Variants in PCDHA3 observed in about 807,000 individuals in gnomAD.
The protein encoded by PCDHA3 is protocadherin alpha-3.
In PCDHA3, 41 loss-of-function variants were observed where a neutral mutation model predicts 62.2. The observed-to-expected ratio is 0.66, with a 90% CI of 0.51 to 0.86. The LOEUF (loss-of-function observed/expected upper bound fraction) is 0.86. Among genes scored for constraint, PCDHA3 ranks in the 40% least tolerant of loss-of-function variants. The pLI is 0.00. For synonymous variants in PCDHA3, 640 were observed against 555.4 expected (o/e 1.15, Z -2.14); for missense variants, 1,304 against 1,241.2 (o/e 1.05, Z -0.76).
intron 1 of PCDHA3, among the ~76,000 whole-genome samples, chr5:140,878,611 T>A (rs1167613009): frequency 2.0e-5 from 3 of 152,236 alleles, no homozygotes; most frequent in Non-Finnish European, 4.4e-5. Context: ...TCTTCTAATG[T>A]GCATTTTACA....
Position 140,858,751 on chromosome 5 carries a change from G to A in PCDHA3, c.2394+55160G>A, listed in dbSNP as rs938240146. On this transcript the variant is annotated intron_variant, in intron 1 of 3. Coordinates refer to ENST00000522353, the MANE Select transcript of PCDHA3 (RefSeq NM_018906.3). ...CGATTTACTTTCATAATCACTTTTC[G>A]TTACAAATATTTGTGAGATTAGTAC... 35 of 456,172 alleles carry A rather than the reference G, an allele frequency of 7.7e-5. 1 individual carries two copies. In the East Asian group the frequency reaches 9.6e-4, roughly 13 times the overall value. 28.3% of individuals were successfully genotyped at this position (456,172 alleles called of 1,614,324 possible).
In PCDHA3 at chr5:140,856,507, A is replaced by C. The variant is rs527808702; in HGVS notation, c.2394+52916A>C. 4.2e-5 allele frequency: 67 copies of C among 1,598,478 alleles called. 5 individuals carry two copies. In the South Asian group the frequency reaches 7.1e-4, roughly 17 times the overall value. Reference sequence around the variant, plus strand: ...GACTGCTTGACTCTCGATTTCCACTAGAAGGCGCATCTGATGCGGATGTTG... The same window carrying C: ...GACTGCTTGACTCTCGATTTCCACTCGAAGGCGCATCTGATGCGGATGTTG... On this transcript the variant is annotated intron_variant, in intron 1 of 3. Coordinates refer to ENST00000522353, the MANE Select transcript of PCDHA3 (RefSeq NM_018906.3).
rs2150178565 is a variant in PCDHA3, at chr5:140,829,957, T to C, written c.2394+26366T>C. ...CGGCAAGCAGCGCTCGCTTCCCGTT[T>C]CGCGTGGGGCTGTACACGGGCGAGA... On this transcript the variant is annotated intron_variant, in intron 1 of 3. Transcript: ENST00000522353. 2.4e-5 allele frequency: 39 copies of C among 1,613,964 alleles called. No homozygotes were observed. In the East Asian group the frequency reaches 3.1e-4, roughly 13 times the overall value.
intron 1 of PCDHA3, chr5:140,814,494 A>G (rs1269898592): frequency 1.3e-5 from 2 of 151,836 alleles, no homozygotes; most frequent in African/African-American, 2.4e-5. Flanking sequence ...TAGAAAGAGT[A>G]CACTGTAAAA....
chr5:140,810,242 C>A (rs78416157), intron 1 of PCDHA3: 5 of 152,098 alleles, frequency 3.3e-5, no homozygotes, highest in Non-Finnish European at 7.3e-5. Flanking sequence ...TTCTACTGTT[C>A]AGGAATTTGC....
At chr5:140,814,345 G>A (rs2126654527) in intron 1 of PCDHA3, 1 of 151,338 alleles carries the variant, frequency 6.6e-6, no homozygotes, top group Non-Finnish European at 1.5e-5. Flanking sequence ...AGGTCTTCTG[G>A]GGCAGTTACA....
chr5:140,902,783 G>A (rs1013396334), intron 1 of PCDHA3, among the ~76,000 whole-genome samples: 19 of 151,054 alleles, frequency 1.3e-4, no homozygotes, highest in Admixed American at 9.2e-4. Flanking sequence ...TCATAGCTTA[G>A]CTCTCACTTG....
At chr5:140,863,138 T>C (rs781967810) in intron 1 of PCDHA3, 2 of 604,914 alleles carry the variant, frequency 3.3e-6, no homozygotes, top group Non-Finnish European at 6.4e-6. Context: ...CGCCTGCTGG[T>C]GCTGGTGAAG....
Position 140,995,490 on chromosome 5 carries a change from A to C in PCDHA3, c.2542+12927A>C, listed in dbSNP as rs181247682. Among the ~76,000 whole-genome samples the C allele has an allele frequency of 2.7e-3, 416 of 152,304 alleles. 1 individual carries two copies. The highest frequency in any genetic ancestry group is 4.2e-3 in the Non-Finnish European group (283 of 68,028). ...ATTTTTCATTTAATATTTTCAGACT[A>C]AGGTTGACTGTGGGTAACTGAAGCC... is the stretch of plus-strand genomic sequence containing the variant. On this transcript the variant is annotated intron_variant, in intron 3 of 3. Transcript: ENST00000522353.
intron 1 of PCDHA3, chr5:140,834,464 G>A (rs2150218984): frequency 2.5e-6 from 4 of 1,614,188 alleles, no homozygotes; most frequent in East Asian, 4.5e-5. Context: ...GGGAGGCAGG[G>A]AGAGGCCAGC....
chr5:140,968,639 G>C (rs1278507600), intron 1 of PCDHA3: 1 of 1,614,032 alleles, frequency 6.2e-7, no homozygotes, highest in Non-Finnish European at 8.5e-7. Flanking sequence ...TTACCATCTA[G>C]CCCAGACTTC....
In PCDHA3 at chr5:140,801,704, T is replaced by C. The variant is rs575847479; in HGVS notation, c.507T>C (p.Thr169=). 6.7e-5 allele frequency: 108 copies of C among 1,614,206 alleles called. No homozygotes were observed. The Admixed American group carries it at 1.8e-3, about 26-fold the overall frequency. ...DADIGTNSLL[T]YSLDSTEYFT... ...ATATCGGAACAAATTCGTTGTTGAC[T>C]TACAGTCTTGATTCCACTGAATATT... Residue 169 remains threonine, a synonymous_variant, in exon 1 of 4, where the codon ACT becomes ACC. Transcript: ENST00000522353.
intron 1 of PCDHA3, chr5:140,809,386 T>A (rs1554125180): frequency 6.2e-7 from 1 of 1,614,008 alleles, no homozygotes; most frequent in African/African-American, 1.3e-5. Flanking sequence ...GCGCGTGCGC[T>A]CCGGGCAAGC....
chr5:140,834,292 C>T, intron 1 of PCDHA3: 4 of 1,207,488 alleles, frequency 3.3e-6, no homozygotes, highest in Non-Finnish European at 3.5e-6. Flanking sequence ...ACAACAATGG[C>T]CACACATCGA....
At chr5:140,887,494 CT>C (rs1439502451) in intron 1 of PCDHA3, among the ~76,000 whole-genome samples, 1 of 152,128 alleles carries the variant, frequency 6.6e-6, no homozygotes, top group Non-Finnish European at 1.5e-5. Flanking sequence ...TGCATAGTTT[CT>C]AATAAGATGT....
intron 1 of PCDHA3, chr5:140,857,485 G>T (rs1554150101): frequency 6.3e-7 from 1 of 1,598,484 alleles, no homozygotes; most frequent in Admixed American, 1.7e-5. Context: ...TGTCTGCGTG[G>T]GACGCGGACG....
chr5:140,903,688 A>G (rs1392078626), intron 1 of PCDHA3, among the ~76,000 whole-genome samples: 13 of 152,242 alleles, frequency 8.5e-5, no homozygotes, highest in Admixed American at 7.9e-4. Flanking sequence ...TTTGGTAAAT[A>G]GTTTAAAATA....
In PCDHA3 at chr5:141,009,984, G is replaced by A. The variant is rs782207623; in HGVS notation, c.*47G>A. 6.3e-7 allele frequency: 1 copy of A among 1,581,532 alleles called. No homozygotes were observed. Among genetic ancestry groups the A allele is most frequent in the Admixed American group, 1.9e-5 (1 of 53,968 alleles). On this transcript the variant is annotated 3_prime_UTR_variant, in exon 4 of 4. Transcript: ENST00000522353. ...CACTTAGCCAGTTTTTGTAATAATG[G>A]CAAATCTCTCCCATGTAGCAATTCC... is the stretch of plus-strand genomic sequence containing the variant.
chr5:140,883,946 G>A, intron 1 of PCDHA3: 5 of 1,613,392 alleles, frequency 3.1e-6, no homozygotes, highest in Middle Eastern at 1.7e-4. Context: ...GGACGAGAAC[G>A]ACAACGCTCC....
Sources: gnomAD v4.1 joint callset for allele counts (sites outside exome capture counted in the v4.1 genomes callset) on GRCh38, gnomAD v4.1.1 for gene constraint, MANE v1.5 for transcripts, NCBI Gene and HGNC (gene_info 2026-07-23, HGNC 2026-07-21) for gene names.